RBM25: variants seen among roughly 807,000 people sequenced by gnomAD.
RBM25 encodes the protein RNA binding motif protein 25, also known as RNA-binding protein 25.
RBM25 carries 19 observed loss-of-function variants against 120.7 expected under a neutral mutation model. That is an observed-to-expected ratio of 0.16 (90% CI 0.11 to 0.23). RBM25 has a LOEUF of 0.23. RBM25 is among the 10% of genes least tolerant of loss of function. The pLI is 1.00. For synonymous variants in RBM25, 390 were observed against 326.7 expected (o/e 1.19, Z -2.09); for missense variants, 605 against 1,041.5 (o/e 0.58, Z 5.77).
At chr14:73,084,791 C>T (rs972832304) in intron 5 of RBM25, among the ~76,000 whole-genome samples, 17 of 150,936 alleles carry the variant, frequency 1.1e-4, no homozygotes, top group African/African-American at 4.1e-4. Flanking sequence ...ACCTTATGAT[C>T]CGCCCACCTC....
rs1003649867 is a variant in RBM25, at chr14:73,103,927, C to G, written c.1154+449C>G. Among the ~76,000 whole-genome samples, 484 of 64,906 alleles carry G rather than the reference C, an allele frequency of 7.5e-3. 2 individuals are homozygous for G. The highest frequency in any genetic ancestry group is 0.012 in the Non-Finnish European group (402 of 33,780). 42.6% of individuals were successfully genotyped at this position (64,906 alleles called of 152,430 possible). On this transcript the variant is annotated intron_variant, in intron 10 of 18. Coordinates refer to ENST00000261973, the MANE Select transcript of RBM25 (RefSeq NM_021239.3). ...TCTGTCTCTCTCTCTCTCTCTCTCT[C>G]TCTCTCTCTCTCTCTCTCTCTCACA...
chr14:73,059,058 G>A (rs1894935755), intron 1 of RBM25, among the ~76,000 whole-genome samples: 1 of 152,068 alleles, frequency 6.6e-6, no homozygotes. Context: ...TGCCCCAGGG[G>A]AGCCCTTCCC....
At chr14:73,107,125 G>A (rs539470341) in intron 12 of RBM25, among the ~76,000 whole-genome samples, 2 of 152,306 alleles carry the variant, frequency 1.3e-5, no homozygotes, top group Admixed American at 1.3e-4. Context: ...ACAGGCGTGT[G>A]CCACCACGCC....
At position 73,112,785 on chromosome 14, in the gene RBM25, G is replaced by GTTTTGTT. The variant is rs888680354; in HGVS notation, c.2391+553_2391+559dup. Among the ~76,000 whole-genome samples, 10 of 151,524 alleles carry GTTTTGTT rather than the reference G, an allele frequency of 6.6e-5. No homozygotes were observed. The East Asian group carries it at 1.2e-3, about 18-fold the overall frequency. On this transcript the variant is annotated intron_variant, in intron 17 of 18. Transcript: ENST00000261973. ...GTGTTAGTTTTGTTTGTTTTGTTTT[G>GTTTTGTT]TTTTGTTTTTTGTTTTTTGTTTTTG...
At chr14:73,116,316 T>C (rs1167812436) in intron 18 of RBM25, among the ~76,000 whole-genome samples, 4 of 152,112 alleles carry the variant, frequency 2.6e-5, no homozygotes, top group African/African-American at 9.7e-5. Flanking sequence ...TCATCAAGCA[T>C]GATATGAAAT....
At chr14:73,063,438 C>T (rs867519821) in intron 1 of RBM25, among the ~76,000 whole-genome samples, 3 of 151,300 alleles carry the variant, frequency 2.0e-5, no homozygotes, top group Non-Finnish European at 3.0e-5. Context: ...CTTGAGCCAC[C>T]GCGCCCGGCC....
chr14:73,113,854 T>C (rs1469163388), intron 17 of RBM25, among the ~76,000 whole-genome samples: 1 of 152,216 alleles, frequency 6.6e-6, no homozygotes, highest in Non-Finnish European at 1.5e-5. Context: ...AAACCCATGC[T>C]CTTAACCACT....
chr14:73,073,177 C>T (rs992563716), intron 2 of RBM25, among the ~76,000 whole-genome samples: 9 of 152,104 alleles, frequency 5.9e-5, no homozygotes, highest in African/African-American at 2.2e-4. Flanking sequence ...TATACTCCTG[C>T]CTCAGCCTTC....
At chr14:73,094,809 AGG>A (rs1895900315) in intron 6 of RBM25, among the ~76,000 whole-genome samples, 1 of 89,388 alleles carries the variant, frequency 1.1e-5, no homozygotes, top group African/African-American at 4.3e-5. Flanking sequence ...TACAGGAGCG[AGG>A]TGTGTGTGTG....
At chr14:73,097,121 A>T in intron 7 of RBM25, 21 bp downstream of exon 7, 1 of 1,556,890 alleles carries the variant, frequency 6.4e-7, no homozygotes, top group Non-Finnish European at 8.7e-7. Flanking sequence ...TGACAACAAC[A>T]TATCATTTCT....
chr14:73,114,251 T>A (rs754983716), intron 17 of RBM25, 35 bp from the exon 18 acceptor site: 42 of 1,432,508 alleles, frequency 2.9e-5, no homozygotes, highest in Non-Finnish European at 3.9e-5. Flanking sequence ...AATTTTTTAT[T>A]TATTTTTAAT....
chr14:73,101,532 A>C (rs997743173), intron 9 of RBM25: 22 of 149,854 alleles, frequency 1.5e-4, no homozygotes, highest in Admixed American at 8.7e-4. Flanking sequence ...ATATATATAT[A>C]TCTCATATAT....
rs969792806 is a variant in RBM25 at position 73,113,175 on chromosome 14, C to T, written c.2391+925C>T. On this transcript the variant is annotated intron_variant, in intron 17 of 18. Coordinates refer to ENST00000261973, the MANE Select transcript of RBM25 (RefSeq NM_021239.3). Reference sequence around the variant, plus strand: ...AGGCCCAGCTGTGTGATGTTCCCCTCCCTGTGTCCATGTGTTCTCATTGTT... The same window carrying T: ...AGGCCCAGCTGTGTGATGTTCCCCTTCCTGTGTCCATGTGTTCTCATTGTT... Among the ~76,000 whole-genome samples, 6 of 151,968 alleles carry T rather than the reference C, an allele frequency of 3.9e-5. No individual in the cohort carries two copies. The East Asian group carries it at 1.2e-3, about 30-fold the overall frequency.
At chr14:73,087,396 C>CTT (rs763206419) in intron 5 of RBM25, among the ~76,000 whole-genome samples, 2,417 of 136,748 alleles carry the variant, frequency 0.018, 47 homozygotes, top group East Asian at 0.046. Flanking sequence ...TGACTCCTTT[C>CTT]TTTTTTTTTT....
chr14:73,118,665 A>G (rs1896483128), intron 18 of RBM25, among the ~76,000 whole-genome samples: 1 of 152,164 alleles, frequency 6.6e-6, no homozygotes, highest in South Asian at 2.1e-4. Flanking sequence ...AGGTAAAATA[A>G]AAGAATAAAA....
intron 1 of RBM25, chr14:73,068,121 G>T: frequency 1.3e-6 from 1 of 754,450 alleles, no homozygotes; most frequent in Admixed American, 2.2e-5. Flanking sequence ...TTCACAGACA[G>T]AACTGGAAGG....
At chr14:73,081,069 C>G (rs1172340943) in intron 4 of RBM25, among the ~76,000 whole-genome samples, 1 of 152,054 alleles carries the variant, frequency 6.6e-6, no homozygotes, top group East Asian at 1.9e-4. Flanking sequence ...CAGTGATCTC[C>G]CTGCCTCAGC....
At chr14:73,119,294 A>T (rs530256684) in intron 18 of RBM25, among the ~76,000 whole-genome samples, 7 of 151,886 alleles carry the variant, frequency 4.6e-5, no homozygotes, top group South Asian at 2.1e-4. Context: ...CTTTTTTGAG[A>T]TGGAGTCTTG....
rs2140427402 is a variant in RBM25, at chr14:73,071,610, T to C, written c.-15-17T>C. On this transcript the variant is annotated splice_polypyrimidine_tract_variant and intron_variant, in intron 1 of 18. Coordinates refer to ENST00000261973, the MANE Select transcript of RBM25 (RefSeq NM_021239.3). ...CGTTTTCAAATAAAATGATTTGTCA[T>C]GTCCTTTTTTCTTTAGACTGCTGCA... is the stretch of plus-strand genomic sequence containing the variant. 2 of 1,498,546 alleles carry C rather than the reference T, an allele frequency of 1.3e-6. No homozygotes were observed. Among genetic ancestry groups the C allele is most frequent in the East Asian group, 2.3e-5 (1 of 44,114 alleles). 92.8% of individuals were successfully genotyped at this position (1,498,546 alleles called of 1,614,324 possible).
Sources: gnomAD v4.1 joint callset for allele counts (sites outside exome capture counted in the v4.1 genomes callset) on GRCh38, gnomAD v4.1.1 for gene constraint, MANE v1.5 for transcripts, NCBI Gene and HGNC (gene_info 2026-07-23, HGNC 2026-07-21) for gene names.